MYH10: variants seen among roughly 807,000 people sequenced by gnomAD.
MYH10 encodes myosin heavy chain 10, also known as myosin-10.
Under a neutral mutation model 257.8 loss-of-function variants are expected in MYH10, and 55 were observed. The observed-to-expected ratio is 0.21, with a 90% confidence interval of 0.17 to 0.27. MYH10 has a LOEUF of 0.27. MYH10 is among the 10% of genes least tolerant of loss of function. The pLI, the probability that MYH10 is intolerant of heterozygous loss-of-function variation, is 1.00. For missense variants in MYH10, 1,631 were observed against 2,500.6 expected, an observed-to-expected ratio of 0.65 and a Z score of 7.42; for synonymous variants, 854 against 921.7, an observed-to-expected ratio of 0.93 and a Z score of 1.33.
chr17:8,480,411 G>C lies in MYH10; in HGVS notation c.5379C>G (p.Thr1793=), dbSNP rs200292566. 23 of 1,613,506 alleles carry C rather than the reference G, an allele frequency of 1.4e-5. No individual in the cohort carries two copies. The African/African-American group carries it at 2.7e-4, about 19-fold the overall frequency. ...CTCCTGCATGGGCCACCTGTAGAGT[G>C]GTCTTGCGGAAGCGGTCGTTGAGCA... The part of the protein sequence containing the change: ...MELLNDRFRK[T]TLQVDTLNAE... The change falls in exon 39 of 43, where the codon ACC becomes ACG. Residue 1793 remains threonine (T), a synonymous_variant. Transcript: ENST00000360416.
At chr17:8,592,541 C>A (rs2084187245) in intron 3 of MYH10, among the ~76,000 whole-genome samples, 1 of 151,604 alleles carries the variant, frequency 6.6e-6, no homozygotes. Context: ...AAATATTCAA[C>A]AACTAAGATG....
At chr17:8,514,229 G>A (rs983499258) in intron 21 of MYH10, among the ~76,000 whole-genome samples, 3 of 152,214 alleles carry the variant, frequency 2.0e-5, no homozygotes, top group African/African-American at 7.2e-5. Flanking sequence ...AATGAAGACT[G>A]TAGACAGAAG....
rs1332645329 is a variant in MYH10 at position 8,474,563 on chromosome 17, C to A, written c.*1241G>T. 1 of 152,600 alleles carries A rather than the reference C, an allele frequency of 6.6e-6. No individual in the cohort carries two copies. The highest frequency in any genetic ancestry group is 1.5e-5 in the Non-Finnish European group (1 of 68,036). 9.5% of individuals were successfully genotyped at this position (152,600 alleles called of 1,614,324 possible). Reference sequence around the variant, plus strand: ...TCATTGTCACTGAATGTCTGTAATACCACTTTGACTAGAGAGGTACATGAT... The same window carrying A: ...TCATTGTCACTGAATGTCTGTAATAACACTTTGACTAGAGAGGTACATGAT... On this transcript the variant is annotated 3_prime_UTR_variant, in exon 43 of 43. Transcript: ENST00000360416.
At chr17:8,476,719 G>A (rs1328021442) in intron 42 of MYH10, among the ~76,000 whole-genome samples, 157 bp downstream of exon 42, 2 of 152,238 alleles carry the variant, frequency 1.3e-5, no homozygotes, top group East Asian at 3.9e-4. Flanking sequence ...CCCCAAGGAC[G>A]ACTATAAAGG....
intron 30 of MYH10, among the ~76,000 whole-genome samples, chr17:8,498,572 G>T (rs376074375): frequency 6.6e-5 from 10 of 152,102 alleles, no homozygotes; most frequent in African/African-American, 2.2e-4. Flanking sequence ...ACTAGGCTGT[G>T]CACAGTAGCT....
At position 8,623,043 on chromosome 17, in the gene MYH10, T is replaced by C. The variant is rs1221426457; in HGVS notation, c.204A>G (p.Lys68=). Residue 68 remains lysine, a synonymous_variant, in exon 2 of 43, where the codon AAA becomes AAG. Coordinates refer to ENST00000360416, the MANE Select transcript of MYH10 (RefSeq NM_001256012.3). ...VMVELAENGK[K]AMVNKDDIQK... Reference sequence around the variant, plus strand: ...GAATATCATCTTTGTTGACCATTGCTTTCTTTCCATTCTCTGCCAACTCCA... The same window carrying C: ...GAATATCATCTTTGTTGACCATTGCCTTCTTTCCATTCTCTGCCAACTCCA... 6.2e-7 allele frequency: 1 copy of C among 1,614,092 alleles called. No individual in the cohort carries two copies. The highest frequency in any genetic ancestry group is 8.5e-7 in the Non-Finnish European group (1 of 1,180,046).
rs532078696 is a variant in MYH10, at chr17:8,612,432, A to G, written c.346-7450T>C. 3.3e-5 allele frequency among the ~76,000 whole-genome samples: 5 copies of G among 152,378 alleles called. No homozygotes were observed. The East Asian group carries it at 9.6e-4, about 29-fold the overall frequency. On this transcript the variant is annotated intron_variant, in intron 2 of 42. Coordinates refer to ENST00000360416, the MANE Select transcript of MYH10 (RefSeq NM_001256012.3). ...CAAATCATCACAAGAAGAGTACAAT[A>G]AGATATTCTGAAAGAGGGAGAGAAA...
At chr17:8,577,680 C>T (rs576021011) in intron 4 of MYH10, among the ~76,000 whole-genome samples, 1 of 152,294 alleles carries the variant, frequency 6.6e-6, no homozygotes, top group African/African-American at 2.4e-5. Context: ...TACATGCACA[C>T]ACCACCATGC....
rs115752054 is a variant in MYH10 at position 8,516,631 on chromosome 17, A to G, written c.2504+2000T>C. On this transcript the variant is annotated intron_variant, in intron 21 of 42. Coordinates refer to ENST00000360416, the MANE Select transcript of MYH10 (RefSeq NM_001256012.3). ...GATCAATGAAAAAGCTGCACAAAGT[A>G]TATCTATATACTTCGTTTCCTGCAC... Among the ~76,000 whole-genome samples the G allele has an allele frequency of 2.1e-3, 315 of 152,344 alleles. 3 individuals are homozygous for G. Among genetic ancestry groups the G allele is most frequent in the African/African-American group, 6.7e-3 (279 of 41,576 alleles).
Position 8,484,196 on chromosome 17 carries a change from G to C in MYH10, c.5117C>G (p.Ser1706Cys). 6.2e-7 allele frequency: 1 copy of C among 1,612,010 alleles called. No individual in the cohort carries two copies. The highest frequency in any genetic ancestry group is 8.5e-7 in the Non-Finnish European group (1 of 1,179,198). The change falls in exon 37 of 43, where the codon TCC becomes TGC. Residue 1706 changes from serine to cysteine, a missense_variant. Coordinates refer to ENST00000360416, the MANE Select transcript of MYH10 (RefSeq NM_001256012.3). Reference protein sequence around the residue: ...RASRDEIFAQSKESEKKLKSL... With the variant: ...RASRDEIFAQCKESEKKLKSL... ...CTTCAATTTCTTTTCACTCTCTTTG[G>C]ATTGAGCAAAAATCTCATCTCTGGA... is the stretch of plus-strand genomic sequence containing the variant.
intron 14 of MYH10, among the ~76,000 whole-genome samples, chr17:8,541,574 C>T (rs958176638): frequency 3.3e-5 from 5 of 151,902 alleles, no homozygotes; most frequent in African/African-American, 1.2e-4. Context: ...GAACATTAAA[C>T]CACCAAGAAA....
intron 38 of MYH10, 39 bp from the exon 39 acceptor site, chr17:8,480,564 T>G (rs1214618909): frequency 3.1e-6 from 5 of 1,600,038 alleles, no homozygotes; most frequent in Middle Eastern, 1.7e-4. Flanking sequence ...CAATCCCAGC[T>G]CAGCACAGCA....
At chr17:8,484,326 A>T (rs1017824059) in intron 36 of MYH10, 60 bp from the exon 37 acceptor site, 29 of 1,537,092 alleles carry the variant, frequency 1.9e-5, no homozygotes, top group African/African-American at 2.8e-5. Context: ...TTAAAATAAA[A>T]TTTTTTTAGA....
At chr17:8,516,756 A>G (rs965527813) in intron 21 of MYH10, among the ~76,000 whole-genome samples, 2 of 152,170 alleles carry the variant, frequency 1.3e-5, no homozygotes, top group Non-Finnish European at 2.9e-5. Context: ...ATGCTATGTT[A>G]GGCATTCTGC....
intron 2 of MYH10, among the ~76,000 whole-genome samples, chr17:8,616,321 T>A (rs1383479596): frequency 6.6e-6 from 1 of 151,976 alleles, no homozygotes; most frequent in Non-Finnish European, 1.5e-5. Flanking sequence ...AAAATAAAAC[T>A]CATTATTTGT....
At chr17:8,511,035 T>TATAC (rs1555578953) in intron 24 of MYH10, 40 of 51,774 alleles carry the variant, frequency 7.7e-4, no homozygotes, top group South Asian at 5.8e-3. Flanking sequence ...TATATATATA[T>TATAC]ATATATATAT....
At position 8,504,790 on chromosome 17, in the gene MYH10, G is replaced by T; in HGVS notation, c.3503C>A (p.Ala1168Asp). ...ACTCAAGTCCCTTTTCTGCTTTTCG[G>T]CCTTGTTCCGTGAAGCCTTCTCGGA... ...FESEKASRNK[A>D]EKQKRDLSEE... The change falls in exon 28 of 43, where the codon GCC becomes GAC. Residue 1168 changes from alanine to aspartate, a missense_variant. By Grantham distance (126) the Ala-to-Asp change is moderately radical. Transcript: ENST00000360416. The surrounding 1 kb of genome is among the most constrained non-coding windows in gnomAD (Gnocchi z 5.6). The T allele has an allele frequency of 6.2e-7, 1 of 1,614,170 alleles. No individual in the cohort carries two copies. The highest frequency in any genetic ancestry group is 8.5e-7 in the Non-Finnish European group (1 of 1,180,042).
At chr17:8,622,094 C>G (rs2085488846) in intron 2 of MYH10, among the ~76,000 whole-genome samples, 1 of 152,152 alleles carries the variant, frequency 6.6e-6, no homozygotes, top group Non-Finnish European at 1.5e-5. Context: ...ATTCAACACC[C>G]CTTTTCCGAT....
At chr17:8,599,949 T>A (rs2084527842) in intron 3 of MYH10, among the ~76,000 whole-genome samples, 2 of 152,140 alleles carry the variant, frequency 1.3e-5, no homozygotes, top group African/African-American at 4.8e-5. Context: ...AAACAAGCCA[T>A]CAGCCAGGGA....
Sources: gnomAD v4.1 joint callset for allele counts (sites outside exome capture counted in the v4.1 genomes callset) on GRCh38, gnomAD v4.1.1 for gene constraint, Gnocchi (gnomAD v3.1) non-coding constraint, MANE v1.5 for transcripts, NCBI Gene and HGNC (gene_info 2026-07-23, HGNC 2026-07-21) for gene names.